The following SHANK2 variants were observed in gnomAD, a reference collection of about 807,000 sequenced individuals.
The protein encoded by SHANK2 is SH3 and multiple ankyrin repeat domains 2.
Under a neutral mutation model 133.7 loss-of-function variants are expected in SHANK2, and 43 were observed. That is an observed-to-expected ratio of 0.32 (90% CI 0.25 to 0.41). The LOEUF (loss-of-function observed/expected upper bound fraction) is 0.41. Ranked by LOEUF, SHANK2 falls within the 10% of genes least tolerant of loss-of-function variation. SHANK2 has a pLI of 1.00. For missense variants in SHANK2, 1,994 were observed against 2,235.8 expected (o/e 0.89, Z 2.18); for synonymous variants, 1,017 against 952.8 (o/e 1.07, Z -1.24).
intron 14 of SHANK2, among the ~76,000 whole-genome samples, chr11:70,768,089 T>C (rs75316575): frequency 0.019 from 2,821 of 152,268 alleles, 93 homozygotes; most frequent in African/African-American, 0.065. Context: ...TGTTGCTGAA[T>C]TTCTTGGAGC....
At chr11:70,763,812 C>A (rs1947047134) in intron 14 of SHANK2, among the ~76,000 whole-genome samples, 1 of 152,164 alleles carries the variant, frequency 6.6e-6, no homozygotes, top group Non-Finnish European at 1.5e-5. Context: ...GGGAGCACAG[C>A]CCCATTGCAG....
rs545164370 is a variant in SHANK2 at position 71,196,718 on chromosome 11, C to A, written c.-13+27979G>T. Among the ~76,000 whole-genome samples the A allele has an allele frequency of 2.5e-3, 379 of 152,082 alleles. 1 individual carries two copies. Among genetic ancestry groups the A allele is most frequent in the Middle Eastern group, 0.01 (3 of 294 alleles). On this transcript the variant is annotated intron_variant, in intron 2 of 25. Coordinates refer to ENST00000601538, the MANE Select transcript of SHANK2 (RefSeq NM_012309.5). ...CATGGCTCACAAAGACCCATCCCTG[C>A]CCGATGCAATGGCTCACGCCTACAA... is the stretch of plus-strand genomic sequence containing the variant.
rs1291424383 is a variant in SHANK2 at position 70,490,125 on chromosome 11, C to T, written c.2551+151G>A. Reference sequence around the variant, plus strand: ...GCTCCCTAGTGGGCAAGGCCAGGTTCCCACCCTCTGGTGGGTGGGCTGGCA... The same window carrying T: ...GCTCCCTAGTGGGCAAGGCCAGGTTTCCACCCTCTGGTGGGTGGGCTGGCA... On this transcript the variant is annotated intron_variant, in intron 23 of 25. Coordinates refer to ENST00000601538, the MANE Select transcript of SHANK2 (RefSeq NM_012309.5). 18 of 673,302 alleles carry T rather than the reference C, an allele frequency of 2.7e-5. No individual in the cohort carries two copies. In the East Asian group the frequency reaches 4.9e-4, roughly 18 times the overall value. 41.7% of individuals were successfully genotyped at this position (673,302 alleles called of 1,614,324 possible). A position where few individuals can be genotyped will look rare whatever the true frequency, so the allele number is the denominator to read the frequency against.
intron 14 of SHANK2, among the ~76,000 whole-genome samples, chr11:70,701,022 C>T (rs1028168588): frequency 6.6e-6 from 1 of 152,218 alleles, no homozygotes; most frequent in Non-Finnish European, 1.5e-5. Context: ...CTGCTCCTTA[C>T]ACCCTCATGT....
chr11:70,487,270 C>T lies in SHANK2; in HGVS notation c.3023G>A (p.Arg1008Lys). The T allele has an allele frequency of 6.2e-7, 1 of 1,614,236 alleles. No homozygotes were observed. Among genetic ancestry groups the T allele is most frequent in the Non-Finnish European group, 8.5e-7 (1 of 1,180,046 alleles). ...CTGCTTCACCAGCATCCCCTTCCGC[C>T]TGGCGGGCTTGGCGGGGACGTAGAC... Reference protein sequence around the residue: ...KAVYVPAKPARRKGMLVKQSN... With the variant: ...KAVYVPAKPAKRKGMLVKQSN... Residue 1008 changes from arginine (R) to lysine (K), a missense_variant, in exon 25 of 26, where the codon AGG becomes AAG. This residue lies in a region of SHANK2 where 488 missense variants were observed against 642.6 expected (regional missense o/e 0.76). Transcript: ENST00000601538. This position sits in a 1 kb window ranked among gnomAD's most constrained non-coding sequence, Gnocchi z 5.8.
chr11:70,880,893 C>G (rs187845385), intron 11 of SHANK2, among the ~76,000 whole-genome samples: 1 of 152,208 alleles, frequency 6.6e-6, no homozygotes, highest in African/African-American at 2.4e-5. Context: ...GGGGATTTCT[C>G]GCTGGGTCTG....
intron 2 of SHANK2, among the ~76,000 whole-genome samples, chr11:71,207,242 C>T (rs1954145962): frequency 6.8e-6 from 1 of 146,148 alleles, no homozygotes; most frequent in African/African-American, 2.6e-5. Flanking sequence ...TGCAATGGCG[C>T]AATCTCGGCT....
chr11:70,818,476 G>T, intron 12 of SHANK2, among the ~76,000 whole-genome samples: 1 of 152,192 alleles, frequency 6.6e-6, no homozygotes, highest in East Asian at 1.9e-4. Context: ...CAAGTCCCTG[G>T]CCACGCTGCC....
At chr11:70,599,973 A>AAGAAAG (rs1163551484) in intron 17 of SHANK2, among the ~76,000 whole-genome samples, 2 of 149,164 alleles carry the variant, frequency 1.3e-5, no homozygotes, top group African/African-American at 5.0e-5. Context: ...GAAAGAAAGA[A>AAGAAAG]AATGTATCAT....
intron 3 of SHANK2, among the ~76,000 whole-genome samples, chr11:71,133,078 G>T (rs1437706302): frequency 6.9e-6 from 1 of 144,450 alleles, no homozygotes; most frequent in African/African-American, 2.5e-5. Context: ...TCAAAGTGGA[G>T]ACCAAAGATC....
chr11:70,909,657 G>A (rs1647407521), intron 10 of SHANK2, among the ~76,000 whole-genome samples: 1 of 152,164 alleles, frequency 6.6e-6, no homozygotes, highest in African/African-American at 2.4e-5. Context: ...AAGCCTAGGA[G>A]AAGGCAGGCA....
intron 11 of SHANK2, among the ~76,000 whole-genome samples, chr11:70,856,781 G>T (rs904423028): frequency 1.3e-5 from 2 of 152,128 alleles, no homozygotes; most frequent in Non-Finnish European, 2.9e-5. Context: ...CTTACACAGA[G>T]TCCCACTCAA....
chr11:70,907,689 C>T (rs567825387), intron 10 of SHANK2: 34 of 230,210 alleles, frequency 1.5e-4, no homozygotes, highest in Middle Eastern at 6.0e-4. Flanking sequence ...TATAATTCAT[C>T]GCATTAGCAG....
chr11:70,938,167 C>A (rs2135831073), intron 10 of SHANK2, among the ~76,000 whole-genome samples: 1 of 152,222 alleles, frequency 6.6e-6, no homozygotes, highest in African/African-American at 2.4e-5. Flanking sequence ...TGGCTAGGGA[C>A]AGAGTGGGGT....
intron 15 of SHANK2, among the ~76,000 whole-genome samples, chr11:70,683,679 C>G (rs1411246076): frequency 6.6e-6 from 1 of 152,222 alleles, no homozygotes; most frequent in African/African-American, 2.4e-5. Flanking sequence ...TTGCTTCTTG[C>G]CGCTTCTGGT....
intron 10 of SHANK2, among the ~76,000 whole-genome samples, chr11:70,944,839 C>CGCCT (rs1437998995): frequency 1.3e-5 from 2 of 152,182 alleles, no homozygotes; most frequent in Non-Finnish European, 1.5e-5. Flanking sequence ...GGCTCTCTTC[C>CGCCT]GCCTCCTTGT....
intron 8 of SHANK2, among the ~76,000 whole-genome samples, chr11:71,080,339 C>T (rs1029426941): frequency 4.6e-5 from 7 of 152,124 alleles, no homozygotes; most frequent in Admixed American, 3.9e-4. Context: ...GTCCCACCCG[C>T]CCTGTGCAAC....
intron 11 of SHANK2, among the ~76,000 whole-genome samples, chr11:70,839,465 AG>A (rs1948871321): frequency 6.6e-6 from 1 of 152,180 alleles, no homozygotes; most frequent in Non-Finnish European, 1.5e-5. Flanking sequence ...CAAAGGAGAG[AG>A]GGGAACAGGA....
chr11:70,712,612 C>T (rs1013107799), intron 14 of SHANK2, among the ~76,000 whole-genome samples: 6 of 152,218 alleles, frequency 3.9e-5, no homozygotes, highest in Non-Finnish European at 7.3e-5. Context: ...AGTTCCAATT[C>T]GGATTCTGCC....
Sources: allele counts gnomAD v4.1 joint callset (sites outside exome capture counted in the v4.1 genomes callset), GRCh38; gene constraint gnomAD v4.1.1; regional missense constraint gnomAD v4.1.1; non-coding constraint Gnocchi (gnomAD v3.1); transcripts MANE v1.5; gene names NCBI Gene and HGNC (gene_info 2026-07-23, HGNC 2026-07-21).